CNTN3: variants seen among roughly 807,000 people sequenced by gnomAD.
CNTN3 encodes contactin-3.
CNTN3 carries 60 observed loss-of-function variants against 119.1 expected under a neutral mutation model. The observed-to-expected ratio is 0.50, with a 90% CI of 0.41 to 0.62. The LOEUF (loss-of-function observed/expected upper bound fraction) is 0.62. CNTN3 is among the 20% of genes least tolerant of loss of function. The pLI, the probability that CNTN3 is intolerant of heterozygous loss-of-function variation, is 0.00. For synonymous variants in CNTN3, 450 were observed against 438.7 expected, an observed-to-expected ratio of 1.03 and a Z score of -0.32; for missense variants, 1,101 against 1,242.4, an observed-to-expected ratio of 0.89 and a Z score of 1.71.
At chr3:74,537,092 A>C (rs1703776344) in intron 1 of CNTN3, among the ~76,000 whole-genome samples, 1 of 152,078 alleles carries the variant, frequency 6.6e-6, no homozygotes, top group Non-Finnish European at 1.5e-5. Context: ...ACATACTCTT[A>C]TGGAGGAGGA....
At chr3:74,444,090 T>G (rs1424182167) in intron 4 of CNTN3, among the ~76,000 whole-genome samples, 1 of 152,130 alleles carries the variant, frequency 6.6e-6, no homozygotes, top group Non-Finnish European at 1.5e-5. Flanking sequence ...CCGCCTCCAT[T>G]GTCACGTAGC....
chr3:74,545,002 T>C (rs1330569736), intron 1 of CNTN3, among the ~76,000 whole-genome samples: 1 of 152,176 alleles, frequency 6.6e-6, no homozygotes, highest in Non-Finnish European at 1.5e-5. Context: ...CATTCCAAAA[T>C]ACCATATGCA....
At chr3:74,348,732 T>G (rs1272268244) in intron 11 of CNTN3, among the ~76,000 whole-genome samples, 1 of 152,156 alleles carries the variant, frequency 6.6e-6, no homozygotes, top group Non-Finnish European at 1.5e-5. Flanking sequence ...TCTGCCGGAA[T>G]GCCTGACCCA....
chr3:74,543,677 TA>T (rs1441429243), intron 1 of CNTN3, among the ~76,000 whole-genome samples: 4 of 152,020 alleles, frequency 2.6e-5, no homozygotes, highest in East Asian at 1.9e-4. Flanking sequence ...CCCCTCCTCC[TA>T]AAAAAATACT....
At chr3:74,295,817 A>T (rs1702327177) in intron 18 of CNTN3, among the ~76,000 whole-genome samples, 1 of 152,092 alleles carries the variant, frequency 6.6e-6, no homozygotes. Flanking sequence ...TATGGGGTTC[A>T]CAGTGGTTCT....
chr3:74,507,626 C>CTT (rs59540461), intron 2 of CNTN3, among the ~76,000 whole-genome samples: 63 of 103,638 alleles, frequency 6.1e-4, no homozygotes, highest in Middle Eastern at 5.6e-3. Flanking sequence ...TTCTTTCTTT[C>CTT]TTTTTTTTTT....
intron 11 of CNTN3, 36 bp downstream of exon 11, chr3:74,361,854 G>A (rs78569061): frequency 1.9e-6 from 3 of 1,567,448 alleles, no homozygotes; most frequent in Admixed American, 1.9e-5. Flanking sequence ...AAAGTGAGAG[G>A]AAAGTAAATG....
At chr3:74,537,674 A>G (rs1276963366) in intron 1 of CNTN3, among the ~76,000 whole-genome samples, 5 of 152,140 alleles carry the variant, frequency 3.3e-5, no homozygotes, top group Admixed American at 1.3e-4. Context: ...ACAAAACTTC[A>G]TGTTGTTCCC....
chr3:74,266,332 T>C (rs1055629980), intron 22 of CNTN3, 149 bp downstream of exon 22: 3 of 696,084 alleles, frequency 4.3e-6, no homozygotes, highest in Non-Finnish European at 7.1e-6. Context: ...GGGTTCCTCT[T>C]GCCCACGTCT....
chr3:74,595,172 C>G (rs888485050), intron 1 of CNTN3, among the ~76,000 whole-genome samples: 10 of 151,678 alleles, frequency 6.6e-5, no homozygotes, highest in Non-Finnish European at 1.3e-4. Context: ...GGTTTGAGTT[C>G]ATTGTAGATT....
At chr3:74,461,695 G>C (rs1348069630) in intron 4 of CNTN3, among the ~76,000 whole-genome samples, 1 of 152,022 alleles carries the variant, frequency 6.6e-6, no homozygotes, top group East Asian at 1.9e-4. Context: ...TTGTTAGATA[G>C]TTACAGTATC....
intron 2 of CNTN3, among the ~76,000 whole-genome samples, chr3:74,510,887 G>T (rs1286896375): frequency 6.6e-6 from 1 of 151,798 alleles, no homozygotes; most frequent in Admixed American, 6.6e-5. Flanking sequence ...CCACATCTCG[G>T]TCCCTTAATC....
intron 1 of CNTN3, among the ~76,000 whole-genome samples, chr3:74,588,859 GA>G (rs1704647422): frequency 6.6e-6 from 1 of 152,140 alleles, no homozygotes; most frequent in African/African-American, 2.4e-5. Flanking sequence ...ATGGGGAAAG[GA>G]TTCCCTATTT....
intron 2 of CNTN3, among the ~76,000 whole-genome samples, chr3:74,503,085 G>A (rs749069856): frequency 1.2e-4 from 18 of 152,132 alleles, no homozygotes; most frequent in Non-Finnish European, 2.4e-4. Flanking sequence ...CACCTTGCAC[G>A]TGGTTTGGCC....
chr3:74,475,312 C>T (rs1369817996), intron 4 of CNTN3, among the ~76,000 whole-genome samples: 3 of 152,160 alleles, frequency 2.0e-5, no homozygotes, highest in South Asian at 4.1e-4. Context: ...AAATGCATAT[C>T]TAAGCAAAAA....
In CNTN3 at chr3:74,584,129, C is replaced by A. The variant is rs190889950; in HGVS notation, c.-81+30262G>T. Among the ~76,000 whole-genome samples the A allele has an allele frequency of 3.9e-5, 6 of 152,256 alleles. No individual in the cohort carries two copies. In the East Asian group the frequency reaches 1.2e-3, roughly 29 times the overall value. ...ACGAAAATATTGTTAAAAACTACAT[C>A]AAATATATCTCTGGGCTAGACAATT... On this transcript the variant is annotated intron_variant, in intron 1 of 22. Transcript: ENST00000263665.
chr3:74,522,623 G>A (rs1452580367), intron 1 of CNTN3, among the ~76,000 whole-genome samples: 2 of 151,902 alleles, frequency 1.3e-5, no homozygotes, highest in Middle Eastern at 3.4e-3. Context: ...GTGACTGGAA[G>A]TCCAGTTCCT....
intron 11 of CNTN3, among the ~76,000 whole-genome samples, chr3:74,346,359 AG>A (rs1344188838): frequency 6.6e-6 from 1 of 152,068 alleles, no homozygotes; most frequent in African/African-American, 2.4e-5. Flanking sequence ...TTTCCAAAAC[AG>A]GATAGATTTT....
In CNTN3 at chr3:74,593,366, T is replaced by C. The variant is rs139989536; in HGVS notation, c.-81+21025A>G. ...AACAGCTTCTGGTACAAAGGTGATT[T>C]GCTTATAAACAGCAAAGAACAACGG... On this transcript the variant is annotated intron_variant, in intron 1 of 22. Transcript: ENST00000263665. Among the ~76,000 whole-genome samples, 391 of 152,100 alleles carry C rather than the reference T, an allele frequency of 2.6e-3. 1 individual carries two copies. Among genetic ancestry groups the C allele is most frequent in the African/African-American group, 8.9e-3 (371 of 41,550 alleles).
Sources: gnomAD v4.1 joint callset for allele counts (sites outside exome capture counted in the v4.1 genomes callset) on GRCh38, gnomAD v4.1.1 for gene constraint, MANE v1.5 for transcripts, NCBI Gene and HGNC (gene_info 2026-07-23, HGNC 2026-07-21) for gene names.